The following SORCS1 variants were observed in gnomAD, a reference collection of about 807,000 sequenced individuals.
SORCS1 encodes sortilin related VPS10 domain containing receptor 1.
SORCS1 carries 60 observed loss-of-function variants against 146.1 expected under a neutral mutation model. That is an observed-to-expected ratio of 0.41 (90% confidence interval 0.33 to 0.51). The LOEUF is 0.51. SORCS1 is among the 20% of genes least tolerant of loss of function. The probability of loss-of-function intolerance (pLI) is 0.21; values close to 1 mark genes in which losing one functional copy is unlikely to be tolerated. For missense variants in SORCS1, 1,352 were observed against 1,487.6 expected (o/e 0.91, Z 1.50); for synonymous variants, 637 against 584.0 (o/e 1.09, Z -1.31).
intron 3 of SORCS1, among the ~76,000 whole-genome samples, chr10:106,802,674 T>G (rs1393222133): frequency 6.6e-6 from 1 of 152,190 alleles, no homozygotes; most frequent in Non-Finnish European, 1.5e-5. Context: ...AATTTTTGTA[T>G]TTTTAGTAGA....
chr10:107,164,581 A>G lies in SORCS1; in HGVS notation c.-55T>C, dbSNP rs1969973938. ...GTCCCAGAACGAAGGTGGCGGCACGAGCTCTGCGCTGGCGGCTGTGGGGGG... is the reference window on the plus strand; with the variant it reads ...GTCCCAGAACGAAGGTGGCGGCACGGGCTCTGCGCTGGCGGCTGTGGGGGG... On this transcript the variant is annotated 5_prime_UTR_variant, in exon 1 of 26. Coordinates refer to ENST00000263054, the MANE Select transcript of SORCS1 (RefSeq NM_052918.5). The surrounding 1 kb of genome is among the most constrained non-coding windows in gnomAD (Gnocchi z 6.8). 1.5e-6 allele frequency: 2 copies of G among 1,294,632 alleles called. No individual in the cohort carries two copies. Among genetic ancestry groups the G allele is most frequent in the Admixed American group, 4.1e-5 (1 of 24,282 alleles). 80.2% of individuals were successfully genotyped at this position (1,294,632 alleles called of 1,614,324 possible).
At chr10:106,801,164 ATATT>A (rs1178109612) in intron 3 of SORCS1, among the ~76,000 whole-genome samples, 2 of 152,192 alleles carry the variant, frequency 1.3e-5, no homozygotes, top group African/African-American at 4.8e-5. Flanking sequence ...AGCTCATTAA[ATATT>A]TATATGAACA....
At chr10:107,087,196 C>CA (rs1963827037) in intron 1 of SORCS1, among the ~76,000 whole-genome samples, 1 of 152,174 alleles carries the variant, frequency 6.6e-6, no homozygotes, top group African/African-American at 2.4e-5. Flanking sequence ...CCCTATAAAA[C>CA]AGAAGGAACT....
intron 5 of SORCS1, among the ~76,000 whole-genome samples, chr10:106,731,810 T>C (rs1365084042): frequency 6.6e-6 from 1 of 152,140 alleles, no homozygotes; most frequent in African/African-American, 2.4e-5. Context: ...TTCATAGATA[T>C]AGTTCCTGGT....
intron 1 of SORCS1, among the ~76,000 whole-genome samples, chr10:106,986,118 G>A (rs553326233): frequency 2.6e-5 from 4 of 152,118 alleles, no homozygotes; most frequent in South Asian, 2.1e-4. Flanking sequence ...AGCAGTTTAC[G>A]ATATGGCTAA....
At chr10:106,677,924 T>C (rs539129594) in intron 12 of SORCS1, among the ~76,000 whole-genome samples, 171 of 152,320 alleles carry the variant, frequency 1.1e-3, no homozygotes, top group African/African-American at 3.9e-3. Flanking sequence ...CCAACTGTTA[T>C]CAAAGAAAAC....
Position 107,164,113 on chromosome 10 carries a change from C to T in SORCS1, c.414G>A (p.Gln138=), listed in dbSNP as rs1438792249. The change falls in exon 1 of 26, where the codon CAG becomes CAA. Residue 138 remains glutamine (Q), a synonymous_variant. Transcript: ENST00000263054. This position sits in a 1 kb window ranked among gnomAD's most constrained non-coding sequence, Gnocchi z 6.8. ...PRGVLRDGGQ[Q]EPGTRERDPD... is the part of the protein sequence containing the mutation. ...GGTCCCGCTCCCGAGTCCCAGGCTCCTGCTGCCCTCCATCTCTTAGCACTC... is the reference window on the plus strand; with the variant it reads ...GGTCCCGCTCCCGAGTCCCAGGCTCTTGCTGCCCTCCATCTCTTAGCACTC... 2 of 1,613,780 alleles carry T rather than the reference C, an allele frequency of 1.2e-6. No homozygotes were observed. The highest frequency in any genetic ancestry group is 8.5e-7 in the Non-Finnish European group (1 of 1,180,024).
At chr10:106,951,002 A>G (rs1954648245) in intron 2 of SORCS1, among the ~76,000 whole-genome samples, 1 of 152,182 alleles carries the variant, frequency 6.6e-6, no homozygotes, top group Non-Finnish European at 1.5e-5. Flanking sequence ...AAATATCCAC[A>G]TGAGGAAAGT....
chr10:106,633,444 C>T (rs1164494935), intron 18 of SORCS1, among the ~76,000 whole-genome samples: 2 of 152,166 alleles, frequency 1.3e-5, no homozygotes, highest in African/African-American at 4.8e-5. Context: ...ATTTTGGACA[C>T]ATTAACCAAT....
Position 106,706,640 on chromosome 10 carries a change from T to A in SORCS1, c.1144-6A>T. The A allele has an allele frequency of 6.2e-7, 1 of 1,613,840 alleles. No individual in the cohort carries two copies. Among genetic ancestry groups the A allele is most frequent in the Non-Finnish European group, 8.5e-7 (1 of 1,179,806 alleles). On this transcript the variant is annotated splice_polypyrimidine_tract_variant and splice_region_variant and intron_variant, in intron 7 of 25. Transcript: ENST00000263054. ...GGCCGCCCTCCTGATGTCAGCTGGA[T>A]CATAAAAACAAGACTGTAAGAAGCT...
intron 2 of SORCS1, among the ~76,000 whole-genome samples, chr10:106,921,736 A>C (rs1952721904): frequency 6.6e-6 from 1 of 152,204 alleles, no homozygotes; most frequent in South Asian, 2.1e-4. Flanking sequence ...GGAAACTATA[A>C]ACTCTGTCGG....
At chr10:107,011,043 C>G (rs1253056803) in intron 1 of SORCS1, among the ~76,000 whole-genome samples, 1 of 152,150 alleles carries the variant, frequency 6.6e-6, no homozygotes, top group Non-Finnish European at 1.5e-5. Context: ...TTCCCACACA[C>G]TGGGATGAGC....
At chr10:107,035,283 A>AC (rs1170116328) in intron 1 of SORCS1, among the ~76,000 whole-genome samples, 5 of 150,152 alleles carry the variant, frequency 3.3e-5, no homozygotes, top group Non-Finnish European at 7.4e-5. Context: ...AAACAACAAA[A>AC]AAAAAAACAC....
At chr10:106,598,579 T>C (rs1480059036) in intron 23 of SORCS1, among the ~76,000 whole-genome samples, 1 of 152,142 alleles carries the variant, frequency 6.6e-6, no homozygotes, top group Non-Finnish European at 1.5e-5. Context: ...TACTTTTATC[T>C]GGTCTGCTAG....
Position 107,164,444 on chromosome 10 carries a change from G to A in SORCS1, c.83C>T (p.Ala28Val). The change falls in exon 1 of 26, where the codon GCC becomes GTC. Residue 28 changes from alanine (A) to valine (V), a missense_variant. Ala to Val is a moderately conservative substitution (Grantham distance 64, BLOSUM62 0). Transcript: ENST00000263054. This position sits in a 1 kb window ranked among gnomAD's most constrained non-coding sequence, Gnocchi z 6.8. Reference protein sequence around the residue: ...LAGAGLLILCAPGVCGGGSCC... With the variant: ...LAGAGLLILCVPGVCGGGSCC... ...GGAGCCGCCGCCGCAGACGCCCGGG[G>A]CGCAGAGGATCAAGAGCCCCGCGCC... 3 of 1,407,052 alleles carry A rather than the reference G, an allele frequency of 2.1e-6. No individual in the cohort carries two copies. The highest frequency in any genetic ancestry group is 3.2e-5 in the South Asian group (2 of 62,800). The allele number at this position is 1,407,052 out of a possible 1,614,324, so 87.2% of individuals were successfully genotyped here. A position where few individuals can be genotyped will look rare whatever the true frequency, so the allele number is the denominator to read the frequency against.
chr10:106,603,704 G>T (rs11192973), intron 23 of SORCS1, among the ~76,000 whole-genome samples: 1 of 152,120 alleles, frequency 6.6e-6, no homozygotes, highest in Non-Finnish European at 1.5e-5. Context: ...CTGAGATTTA[G>T]AGTACAGCCT....
chr10:106,650,956 A>T (rs1849815442), intron 18 of SORCS1, among the ~76,000 whole-genome samples: 1 of 152,040 alleles, frequency 6.6e-6, no homozygotes, highest in Non-Finnish European at 1.5e-5. Flanking sequence ...AATCTGTCAT[A>T]GTCTCAAGCA....
intron 1 of SORCS1, among the ~76,000 whole-genome samples, chr10:106,978,859 C>T: frequency 6.6e-6 from 1 of 151,402 alleles, no homozygotes; most frequent in East Asian, 1.9e-4. Context: ...AGATGTTTGT[C>T]ATTACTTCTC....
At chr10:107,000,961 T>C (rs1010073040) in intron 1 of SORCS1, among the ~76,000 whole-genome samples, 1 of 150,692 alleles carries the variant, frequency 6.6e-6, no homozygotes, top group African/African-American at 2.5e-5. Flanking sequence ...ATAGAGATCA[T>C]GTAAAGAATT....
Sources: gnomAD v4.1 joint callset for allele counts (sites outside exome capture counted in the v4.1 genomes callset) on GRCh38, gnomAD v4.1.1 for gene constraint, Gnocchi (gnomAD v3.1) non-coding constraint, MANE v1.5 for transcripts, NCBI Gene and HGNC (gene_info 2026-07-23, HGNC 2026-07-21) for gene names.